Variants in ZNF385D observed in about 807,000 individuals in gnomAD.
ZNF385D encodes zinc finger protein 659.
In ZNF385D, 15 loss-of-function variants were observed where a neutral mutation model predicts 35.8. That is an observed-to-expected ratio of 0.42 (90% CI 0.28 to 0.64). The LOEUF is 0.64. Ranked by LOEUF, ZNF385D falls within the 30% of genes least tolerant of loss-of-function variation. The probability of loss-of-function intolerance (pLI) is 0.23; values close to 1 mark genes in which losing one functional copy is unlikely to be tolerated. For missense variants in ZNF385D, 474 were observed against 494.6 expected, an observed-to-expected ratio of 0.96 and a Z score of 0.39; for synonymous variants, 212 against 186.8, an observed-to-expected ratio of 1.13 and a Z score of -1.10.
At chr3:21,746,984 G>A (rs563407530) in intron 1 of ZNF385D, among the ~76,000 whole-genome samples, 47 of 151,296 alleles carry the variant, frequency 3.1e-4, no homozygotes, top group Non-Finnish European at 6.2e-4. Flanking sequence ...GTACAAATGC[G>A]TCTATTATAG....
intron 2 of ZNF385D, among the ~76,000 whole-genome samples, chr3:22,239,947 C>G (rs1316921704): frequency 1.3e-5 from 2 of 150,020 alleles, no homozygotes; most frequent in Non-Finnish European, 1.5e-5. Context: ...GAGACCAAGA[C>G]AGGTGGATCA....
In ZNF385D at chr3:21,417,341, G is replaced by A. The variant is rs1051008255; in HGVS notation, c.*3873C>T. ...TATTTAAGTTACCCTGTTGGTCAGG[G>A]ACAAAGTCTACAATAGACTCTGGCT... On this transcript the variant is annotated 3_prime_UTR_variant, in exon 8 of 8. Coordinates refer to ENST00000281523, the MANE Select transcript of ZNF385D (RefSeq NM_024697.3). 1.3e-5 allele frequency: 2 copies of A among 152,144 alleles called. No individual in the cohort carries two copies. Among genetic ancestry groups the A allele is most frequent in the East Asian group, 1.9e-4 (1 of 5,172 alleles). 9.4% of individuals were successfully genotyped at this position (152,144 alleles called of 1,614,324 possible). A position where few individuals can be genotyped will look rare whatever the true frequency, so the allele number is the denominator to read the frequency against.
At chr3:21,556,073 T>TG (rs201574280) in intron 3 of ZNF385D, among the ~76,000 whole-genome samples, 19 of 143,112 alleles carry the variant, frequency 1.3e-4, no homozygotes, top group South Asian at 4.3e-4. Context: ...TTTTTGTTTT[T>TG]TTTTTTTTTT....
At chr3:22,089,206 T>C (rs1701196093) in intron 3 of ZNF385D, among the ~76,000 whole-genome samples, 1 of 152,186 alleles carries the variant, frequency 6.6e-6, no homozygotes, top group African/African-American at 2.4e-5. Context: ...TGTTTACCAT[T>C]AGCAAAAATA....
intron 3 of ZNF385D, among the ~76,000 whole-genome samples, chr3:22,119,651 C>T (rs2125661808): frequency 6.6e-6 from 1 of 152,172 alleles, no homozygotes; most frequent in East Asian, 1.9e-4. Flanking sequence ...TTACTTCAGC[C>T]ACTGTGCAGG....
At chr3:21,979,835 G>A (rs1349974546) in intron 3 of ZNF385D, 2 of 152,172 alleles carry the variant, frequency 1.3e-5, no homozygotes, top group African/African-American at 2.4e-5. Flanking sequence ...AACATTGTAT[G>A]AGCATTAGTC....
At chr3:21,424,682 C>G (rs1700927862) in intron 6 of ZNF385D, among the ~76,000 whole-genome samples, 1 of 124,310 alleles carries the variant, frequency 8.0e-6, no homozygotes, top group South Asian at 2.9e-4. Context: ...TATCACTACA[C>G]ACATCTCTTT....
chr3:21,651,444 T>C (rs565361685), intron 2 of ZNF385D, among the ~76,000 whole-genome samples: 2 of 152,254 alleles, frequency 1.3e-5, no homozygotes, highest in African/African-American at 4.8e-5. Context: ...ATAGTATGTC[T>C]GTGATCACTA....
intron 3 of ZNF385D, among the ~76,000 whole-genome samples, chr3:22,100,556 T>A (rs1456079546): frequency 1.3e-5 from 2 of 151,788 alleles, no homozygotes; most frequent in African/African-American, 2.4e-5. Context: ...AAATTGGAAA[T>A]CATCCTTCTC....
At chr3:21,495,120 A>T (rs1402614090) in intron 4 of ZNF385D, among the ~76,000 whole-genome samples, 3 of 152,274 alleles carry the variant, frequency 2.0e-5, no homozygotes, top group Non-Finnish European at 4.4e-5. Flanking sequence ...CAATATTTGT[A>T]GATTTAAGAA....
chr3:22,059,786 T>G (rs1358913725), intron 3 of ZNF385D, among the ~76,000 whole-genome samples: 1 of 152,182 alleles, frequency 6.6e-6, no homozygotes, highest in Non-Finnish European at 1.5e-5. Context: ...TTTTCTGTGT[T>G]GACTGGGCTA....
intron 3 of ZNF385D, among the ~76,000 whole-genome samples, chr3:21,823,589 A>C (rs1490698802): frequency 6.6e-6 from 1 of 152,216 alleles, no homozygotes; most frequent in Non-Finnish European, 1.5e-5. Flanking sequence ...TGTTCAGATG[A>C]ATTTTCTGGC....
intron 4 of ZNF385D, among the ~76,000 whole-genome samples, chr3:21,474,238 C>G (rs1018803248): frequency 6.6e-6 from 1 of 152,048 alleles, no homozygotes; most frequent in Non-Finnish European, 1.5e-5. Flanking sequence ...AGGAATGTCT[C>G]TATCCACAGT....
At chr3:22,101,691 A>T (rs1003903792) in intron 3 of ZNF385D, among the ~76,000 whole-genome samples, 7 of 145,220 alleles carry the variant, frequency 4.8e-5, no homozygotes, top group Admixed American at 6.8e-5. Context: ...TCAGCTACAA[A>T]CCTCGGAAAG....
intron 2 of ZNF385D, among the ~76,000 whole-genome samples, chr3:22,317,714 G>A (rs1481702002): frequency 6.6e-6 from 1 of 152,128 alleles, no homozygotes; most frequent in Non-Finnish European, 1.5e-5. Context: ...TCATCAGTCT[G>A]TAATTTTCCC....
chr3:21,775,681 CA>C (rs556357902), intron 3 of ZNF385D, among the ~76,000 whole-genome samples: 51 of 151,850 alleles, frequency 3.4e-4, no homozygotes, highest in African/African-American at 1.2e-3. Context: ...TGTATTCCCC[CA>C]AATTAAATTT....
In ZNF385D at chr3:22,196,779, G is replaced by T. The variant is rs1388487054; in HGVS notation, c.107-27744C>A. ...GTCATTTTAAAGTTATTATTTTTTA[G>T]TTTTACTACACATTCACCATTTTGA... On this transcript the variant is annotated intron_variant, in intron 2 of 5. Transcript: ENST00000494108. Among the ~76,000 whole-genome samples the T allele has an allele frequency of 2.0e-5, 3 of 151,912 alleles. No homozygotes were observed. The East Asian group carries it at 5.8e-4, about 29-fold the overall frequency.
At chr3:21,750,075 G>A (rs568760564) in intron 1 of ZNF385D, among the ~76,000 whole-genome samples, 1 of 152,316 alleles carries the variant, frequency 6.6e-6, no homozygotes, top group Admixed American at 6.5e-5. Flanking sequence ...TCAGAGAGGA[G>A]GAACAAATAT....
chr3:22,202,426 T>A (rs1318189501), intron 2 of ZNF385D, among the ~76,000 whole-genome samples: 1 of 152,000 alleles, frequency 6.6e-6, no homozygotes, highest in Non-Finnish European at 1.5e-5. Context: ...CAGGGAAGTG[T>A]GCCTGGGGGA....
Sources: allele counts gnomAD v4.1 joint callset (sites outside exome capture counted in the v4.1 genomes callset), GRCh38; gene constraint gnomAD v4.1.1; transcripts MANE v1.5; gene names NCBI Gene and HGNC (gene_info 2026-07-23, HGNC 2026-07-21).